The following ASIC2 variants were observed in gnomAD, a reference collection of about 807,000 sequenced individuals.
ASIC2 encodes acid-sensing ion channel 2.
In ASIC2, 25 loss-of-function variants were observed where a neutral mutation model predicts 57.3. That is an observed-to-expected ratio of 0.44 (90% CI 0.32 to 0.61). The LOEUF (loss-of-function observed/expected upper bound fraction) is 0.61, where lower values mean the gene tolerates loss of function less well. ASIC2 is among the 20% of genes least tolerant of loss of function. ASIC2 has a pLI of 0.06. For missense variants in ASIC2, 641 were observed against 738.1 expected (o/e 0.87, Z 1.52); for synonymous variants, 319 against 307.5 (o/e 1.04, Z -0.39).
intron 1 of ASIC2, among the ~76,000 whole-genome samples, chr17:34,107,008 T>G (rs939223828): frequency 2.0e-5 from 3 of 152,300 alleles, no homozygotes; most frequent in African/African-American, 7.2e-5. Flanking sequence ...AATATACATA[T>G]GCGCAAACCT....
chr17:33,269,559 T>A (rs1904361224), intron 1 of ASIC2, among the ~76,000 whole-genome samples: 1 of 152,128 alleles, frequency 6.6e-6, no homozygotes, highest in African/African-American at 2.4e-5. Context: ...AGCTGTGTAT[T>A]GAACACCATG....
chr17:33,968,704 G>A lies in ASIC2; in HGVS notation c.555+187274C>T, dbSNP rs35707447. Reference sequence around the variant, plus strand: ...AGGAAGCGCCCATCTGCCAGTGTGCGGCCCCATTACCGCCATGCCTTACAG... The same window carrying A: ...AGGAAGCGCCCATCTGCCAGTGTGCAGCCCCATTACCGCCATGCCTTACAG... On this transcript the variant is annotated intron_variant, in intron 1 of 9. Transcript: ENST00000359872. Among the ~76,000 whole-genome samples, 1,066 of 152,276 alleles carry A rather than the reference G, an allele frequency of 7.0e-3. 18 individuals are homozygous for A. Among genetic ancestry groups the A allele is most frequent in the African/African-American group, 0.024 (1,004 of 41,532 alleles).
chr17:33,075,592 G>A (rs1192542653), intron 3 of ASIC2, among the ~76,000 whole-genome samples: 2 of 152,076 alleles, frequency 1.3e-5, no homozygotes, highest in East Asian at 3.9e-4. Flanking sequence ...TTGACATCAG[G>A]GCAGCCTGAC....
At chr17:33,518,312 A>G (rs1914635428) in intron 1 of ASIC2, among the ~76,000 whole-genome samples, 1 of 152,208 alleles carries the variant, frequency 6.6e-6, no homozygotes, top group South Asian at 2.1e-4. Context: ...AGTGCGGGCG[A>G]AGGAGAGACT....
chr17:33,581,730 A>G (rs1904447227), intron 1 of ASIC2, among the ~76,000 whole-genome samples: 2 of 152,164 alleles, frequency 1.3e-5, no homozygotes, highest in South Asian at 4.1e-4. Context: ...TAAAGGATGA[A>G]GTGAATTGGT....
intron 1 of ASIC2, among the ~76,000 whole-genome samples, chr17:33,238,338 G>A (rs1348422095): frequency 2.6e-5 from 4 of 152,198 alleles, no homozygotes; most frequent in African/African-American, 9.6e-5. Context: ...CAGGGAGGCT[G>A]GCAGTGTGGC....
intron 1 of ASIC2, among the ~76,000 whole-genome samples, chr17:33,643,156 C>A (rs1009165062): frequency 2.7e-5 from 4 of 150,926 alleles, no homozygotes; most frequent in Non-Finnish European, 5.9e-5. Flanking sequence ...TTCCCCCCCC[C>A]CACATTTGAA....
At chr17:33,796,195 T>C (rs1789620238) in intron 1 of ASIC2, among the ~76,000 whole-genome samples, 1 of 152,186 alleles carries the variant, frequency 6.6e-6, no homozygotes, top group South Asian at 2.1e-4. Flanking sequence ...AGTACATACT[T>C]TGAGAAAATT....
chr17:33,609,484 C>T lies in ASIC2; in HGVS notation c.556-497417G>A, dbSNP rs60916987. Reference sequence around the variant, plus strand: ...CTGGAATTCTTCACATCCTGATCCTCCCGTGTTTCCTCCCTAGCTCATCCT... The same window carrying T: ...CTGGAATTCTTCACATCCTGATCCTTCCGTGTTTCCTCCCTAGCTCATCCT... On this transcript the variant is annotated intron_variant, in intron 1 of 9. Coordinates refer to the ASIC2 transcript ENST00000359872. Among the ~76,000 whole-genome samples the T allele has an allele frequency of 2.6e-4, 39 of 152,314 alleles. No homozygotes were observed. In the East Asian group the frequency reaches 4.3e-3, roughly 17 times the overall value.
intron 1 of ASIC2, among the ~76,000 whole-genome samples, chr17:33,615,829 G>A (rs1309768316): frequency 6.6e-6 from 1 of 152,148 alleles, no homozygotes; most frequent in Non-Finnish European, 1.5e-5. Context: ...ACTACTCTCT[G>A]GGGGCATAAC....
chr17:33,038,790 ATGT>A (rs1567723617), intron 3 of ASIC2, among the ~76,000 whole-genome samples: 1 of 152,136 alleles, frequency 6.6e-6, no homozygotes, highest in African/African-American at 2.4e-5. Context: ...GGACATCCTT[ATGT>A]TGTTCTTCAA....
At chr17:33,299,403 C>T (rs1326204320) in intron 1 of ASIC2, among the ~76,000 whole-genome samples, 1 of 152,118 alleles carries the variant, frequency 6.6e-6, no homozygotes, top group African/African-American at 2.4e-5. Flanking sequence ...AGGACTTCTC[C>T]CCTGCGGTTT....
rs143031543 is a variant in ASIC2, at chr17:33,027,028, T to A, written c.1139-1046A>T. Among the ~76,000 whole-genome samples, 884 of 152,260 alleles carry A rather than the reference T, an allele frequency of 5.8e-3. 9 individuals carry two copies. Among genetic ancestry groups the A allele is most frequent in the African/African-American group, 0.017 (701 of 41,530 alleles). On this transcript the variant is annotated intron_variant, in intron 4 of 9. Transcript: ENST00000225823. ...TAGCAGGTCAGAAGTCAGATATAGG[T>A]CTCATTGGTCCAGAATCAAGGTGTT...
intron 1 of ASIC2, among the ~76,000 whole-genome samples, chr17:33,163,982 C>T (rs115557429): frequency 0.03 from 4,624 of 152,262 alleles, 247 homozygotes; most frequent in African/African-American, 0.11. Context: ...ACAACTACTG[C>T]GGATGACCTC....
intron 1 of ASIC2, among the ~76,000 whole-genome samples, chr17:33,471,989 T>C (rs1402835360): frequency 1.3e-5 from 2 of 151,512 alleles, no homozygotes; most frequent in South Asian, 2.1e-4. Context: ...GAGCTGAAAT[T>C]TGAACCCAGG....
chr17:33,739,840 GA>G lies in ASIC2; in HGVS notation c.555+416137del, dbSNP rs1301047098. Among the ~76,000 whole-genome samples the G allele has an allele frequency of 6.3e-5, 5 of 79,346 alleles. No homozygotes were observed. The East Asian group carries it at 1.6e-3, about 25-fold the overall frequency. The allele number at this position is 79,346 out of a possible 152,430, so 52.1% of individuals were successfully genotyped here. A position where few individuals can be genotyped will look rare whatever the true frequency, so the allele number is the denominator to read the frequency against. On this transcript the variant is annotated intron_variant, in intron 1 of 9. Transcript: ENST00000359872. The stretch of plus-strand genomic sequence containing the variant: ...AGAAAGAAAGAAAGAAAAAGAAAGA[GA>G]AAGAAAAAAGAGAAAGAAAAAAAGA...
At chr17:34,018,003 T>C (rs536326475) in intron 1 of ASIC2, among the ~76,000 whole-genome samples, 2 of 152,314 alleles carry the variant, frequency 1.3e-5, no homozygotes, top group African/African-American at 4.8e-5. Flanking sequence ...GTAGATTTTC[T>C]ATGTAGATGG....
intron 1 of ASIC2, among the ~76,000 whole-genome samples, chr17:33,496,546 T>G (rs1913935999): frequency 6.6e-6 from 1 of 150,862 alleles, no homozygotes; most frequent in Admixed American, 6.6e-5. Flanking sequence ...TCTGAGCAGC[T>G]TCCAGTACAT....
chr17:34,002,093 A>G (rs1906364870), intron 1 of ASIC2: 1 of 152,248 alleles, frequency 6.6e-6, no homozygotes, highest in South Asian at 2.1e-4. Context: ...AGCCTTCTCT[A>G]ACTCAATCAG....
Sources: gnomAD v4.1 joint callset for allele counts (sites outside exome capture counted in the v4.1 genomes callset) on GRCh38, gnomAD v4.1.1 for gene constraint, MANE v1.5 for transcripts, NCBI Gene and HGNC (gene_info 2026-07-23, HGNC 2026-07-21) for gene names.